The following MORC1 variants were observed in gnomAD, a reference collection of about 807,000 sequenced individuals.
MORC1 encodes the protein MORC family CW-type zinc finger 1.
In MORC1, 59 loss-of-function variants were observed where a neutral mutation model predicts 134.9. The observed-to-expected ratio is 0.44, with a 90% confidence interval of 0.35 to 0.54. MORC1 has a LOEUF of 0.54. MORC1 is among the 20% of genes least tolerant of loss of function. MORC1 has a pLI of 0.00. For synonymous variants in MORC1, 395 were observed against 391.7 expected (o/e 1.01, Z -0.10); for missense variants, 947 against 1,134.5 (o/e 0.83, Z 2.37).
chr3:109,111,347 T>C (rs76069608), intron 2 of MORC1, among the ~76,000 whole-genome samples: 2 of 152,282 alleles, frequency 1.3e-5, no homozygotes, highest in East Asian at 3.9e-4. Context: ...GTATCTAAGG[T>C]TGCCTCAGCA....
chr3:108,962,772 A>T (rs1947114884), intron 27 of MORC1, among the ~76,000 whole-genome samples: 1 of 150,638 alleles, frequency 6.6e-6, no homozygotes, highest in African/African-American at 2.4e-5. Flanking sequence ...GCTCTTCCTC[A>T]TCAGTTCAAC....
At chr3:108,984,376 AG>A (rs1474361240) in intron 23 of MORC1, among the ~76,000 whole-genome samples, 1 of 152,114 alleles carries the variant, frequency 6.6e-6, no homozygotes, top group East Asian at 1.9e-4. Context: ...TGAACCACAG[AG>A]AAAAAAAAAT....
At chr3:109,096,890 A>G (rs1371351858) in intron 6 of MORC1, among the ~76,000 whole-genome samples, 119 of 152,312 alleles carry the variant, frequency 7.8e-4, no homozygotes, top group Non-Finnish European at 5.9e-5. Context: ...TAAAGCAAAA[A>G]TATAAAACTC....
At chr3:109,087,186 G>T (rs1311370469) in intron 8 of MORC1, among the ~76,000 whole-genome samples, 2 of 125,250 alleles carry the variant, frequency 1.6e-5, no homozygotes, top group Non-Finnish European at 3.5e-5. Flanking sequence ...GGCAAACAAG[G>T]GAGAGTGAGG....
In MORC1 at chr3:109,032,787, T is replaced by C; in HGVS notation, c.1498A>G (p.Asn500Asp). The C allele has an allele frequency of 6.2e-7, 1 of 1,608,472 alleles. No homozygotes were observed. The highest frequency in any genetic ancestry group is 8.5e-7 in the Non-Finnish European group (1 of 1,176,224). ...TCAAAAAATTCTTTTTCCTGATAATTAGTAGAGGAAGGCAAGACTCTCCAT... is the reference window on the plus strand; with the variant it reads ...TCAAAAAATTCTTTTTCCTGATAATCAGTAGAGGAAGGCAAGACTCTCCAT... ...LKWRVLPSST[N>D]YQEKEFFDIW... Residue 500 changes from asparagine (N) to aspartate (D), a missense_variant, in exon 16 of 28, where the codon AAT (asparagine) becomes GAT (aspartate). Asn to Asp is a conservative substitution (Grantham distance 23, BLOSUM62 1). Transcript: ENST00000232603.
Position 109,005,092 on chromosome 3 carries a change from A to C in MORC1, c.1991T>G (p.Val664Gly). The change falls in exon 19 of 28, where the codon GTC (valine) becomes GGC (glycine). Residue 664 changes from valine to glycine, a missense_variant. Around this residue, in one of 3 missense-constraint regions of MORC1, gnomAD observed 722 missense variants for 817.0 expected, o/e 0.88. Coordinates refer to ENST00000232603, the MANE Select transcript of MORC1 (RefSeq NM_014429.4). ...QRIPVALPEN[V>G]KLAERSQRSQ... ...TACCTGGGATCTCTCAGCTAGTTTGACATTTTCTGGCAGAGCTACTGGAAT... is the reference window on the plus strand; with the variant it reads ...TACCTGGGATCTCTCAGCTAGTTTGCCATTTTCTGGCAGAGCTACTGGAAT... 6.2e-7 allele frequency: 1 copy of C among 1,611,370 alleles called. No homozygotes were observed. The highest frequency in any genetic ancestry group is 8.5e-7 in the Non-Finnish European group (1 of 1,179,168).
chr3:109,104,029 G>C lies in MORC1; in HGVS notation c.155-112C>G, dbSNP rs1950977381. 7.3e-6 allele frequency: 7 copies of C among 960,914 alleles called. No homozygotes were observed. In the South Asian group the frequency reaches 1.0e-4, roughly 14 times the overall value. The allele number at this position is 960,914 out of a possible 1,614,324, so 59.5% of individuals were successfully genotyped here. A position where few individuals can be genotyped will look rare whatever the true frequency, so the allele number is the denominator to read the frequency against. On this transcript the variant is annotated intron_variant, in intron 3 of 27. Transcript: ENST00000232603. The stretch of plus-strand genomic sequence containing the variant: ...CCTCCAATGCAGCCACAGAGTGACA[G>C]AGTTATGGCACAAAGATGGAGCCTA...
intron 14 of MORC1, among the ~76,000 whole-genome samples, chr3:109,043,189 G>C (rs1327309883): frequency 7.0e-5 from 1 of 14,278 alleles, no homozygotes; most frequent in Non-Finnish European, 1.9e-4. Context: ...GGCAAAATGT[G>C]GGGGGGGGGG....
At chr3:109,069,996 T>C (rs953299850) in intron 8 of MORC1, among the ~76,000 whole-genome samples, 3 of 152,210 alleles carry the variant, frequency 2.0e-5, no homozygotes, top group African/African-American at 7.2e-5. Context: ...AACTGAACTT[T>C]TGTTGGCAAC....
intron 24 of MORC1, among the ~76,000 whole-genome samples, chr3:108,971,709 G>C (rs1472592837): frequency 6.6e-6 from 1 of 151,878 alleles, no homozygotes; most frequent in African/African-American, 2.4e-5. Context: ...AGTTTTGCAA[G>C]AAGCTAGGTG....
At chr3:109,016,869 A>G (rs1948826914) in intron 17 of MORC1, among the ~76,000 whole-genome samples, 1 of 152,188 alleles carries the variant, frequency 6.6e-6, no homozygotes, top group Non-Finnish European at 1.5e-5. Context: ...CATCTCAAAA[A>G]AAGAAAAAAG....
intron 27 of MORC1, among the ~76,000 whole-genome samples, chr3:108,959,712 A>G (rs916589257): frequency 6.6e-6 from 1 of 152,192 alleles, no homozygotes; most frequent in African/African-American, 2.4e-5. Context: ...TGGAAAATGC[A>G]TATTATGAAA....
intron 15 of MORC1, 101 bp from the exon 16 acceptor site, chr3:109,032,926 T>C (rs2107610112): frequency 2.5e-6 from 2 of 789,662 alleles, no homozygotes; most frequent in Non-Finnish European, 4.3e-6. Flanking sequence ...TATCTCTCAA[T>C]CCAAAGACAA....
chr3:109,034,334 G>A (rs548248383), intron 15 of MORC1, among the ~76,000 whole-genome samples: 13 of 152,082 alleles, frequency 8.5e-5, no homozygotes, highest in African/African-American at 2.2e-4. Context: ...TTGTTTGCTC[G>A]TCTGTTTTTC....
In MORC1 at chr3:108,969,075, G is replaced by A. The variant is rs532603424; in HGVS notation, c.2604+594C>T. ...CTTTCTCCCCCAGGAAATCCTTAAG[G>A]ACTAGATACACAGCATTATTTGATA... On this transcript the variant is annotated intron_variant, in intron 26 of 27. Transcript: ENST00000232603. Among the ~76,000 whole-genome samples the A allele has an allele frequency of 1.9e-3, 293 of 151,866 alleles. 3 individuals carry two copies. Among genetic ancestry groups the A allele is most frequent in the African/African-American group, 6.8e-3 (282 of 41,400 alleles).
chr3:109,105,833 T>A (rs370054559), intron 3 of MORC1, among the ~76,000 whole-genome samples: 1 of 152,234 alleles, frequency 6.6e-6, no homozygotes, highest in African/African-American at 2.4e-5. Flanking sequence ...TTCTCTCCAA[T>A]TTACTTCTTT....
intron 10 of MORC1, 24 bp from the exon 11 acceptor site, chr3:109,062,082 A>G (rs777841395): frequency 2.5e-6 from 4 of 1,607,086 alleles, no homozygotes; most frequent in Non-Finnish European, 3.4e-6. Flanking sequence ...CCAAATAGTT[A>G]TAACACAGCA....
At chr3:109,046,480 C>T (rs991538036) in intron 14 of MORC1, among the ~76,000 whole-genome samples, 1 of 152,092 alleles carries the variant, frequency 6.6e-6, no homozygotes, top group Admixed American at 6.6e-5. Context: ...AAAGTGTATT[C>T]CTAAGGAATT....
chr3:109,050,444 C>T (rs1949796228), intron 14 of MORC1, among the ~76,000 whole-genome samples: 1 of 152,156 alleles, frequency 6.6e-6, no homozygotes, highest in Non-Finnish European at 1.5e-5. Flanking sequence ...TAAGGGGTCT[C>T]TCTTGGACCT....
Sources: allele counts gnomAD v4.1 joint callset (sites outside exome capture counted in the v4.1 genomes callset), GRCh38; gene constraint gnomAD v4.1.1; regional missense constraint gnomAD v4.1.1; transcripts MANE v1.5; gene names NCBI Gene and HGNC (gene_info 2026-07-23, HGNC 2026-07-21).